KSR2: variants seen among roughly 807,000 people sequenced by gnomAD.
KSR2 encodes the protein kinase suppressor of ras 2.
KSR2 carries 25 observed loss-of-function variants against 107.8 expected under a neutral mutation model. The observed-to-expected ratio is 0.23, with a 90% CI of 0.17 to 0.32. The LOEUF (loss-of-function observed/expected upper bound fraction) is 0.32, where lower values mean the gene tolerates loss of function less well. Ranked by LOEUF, KSR2 falls within the 10% of genes least tolerant of loss-of-function variation. KSR2 has a pLI of 1.00. For missense variants in KSR2, 887 were observed against 1,268.9 expected, an observed-to-expected ratio of 0.70 and a Z score of 4.57; for synonymous variants, 480 against 507.0, an observed-to-expected ratio of 0.95 and a Z score of 0.71.
chr12:117,468,351 A>T (rs1178426936), intron 19 of KSR2, among the ~76,000 whole-genome samples: 2 of 152,248 alleles, frequency 1.3e-5, no homozygotes, highest in Non-Finnish European at 2.9e-5. Flanking sequence ...AGAGAGGCCA[A>T]GTGATGTGCC....
intron 3 of KSR2, among the ~76,000 whole-genome samples, chr12:117,766,025 A>G (rs1462982543): frequency 6.6e-6 from 1 of 152,208 alleles, no homozygotes; most frequent in East Asian, 1.9e-4. Flanking sequence ...TCAATAATCA[A>G]AAAACTCTCA....
intron 14 of KSR2, among the ~76,000 whole-genome samples, chr12:117,521,755 G>A (rs1874772059): frequency 6.6e-6 from 1 of 152,140 alleles, no homozygotes; most frequent in Admixed American, 6.6e-5. Context: ...TAAATCTAGG[G>A]TCCAAAAATG....
chr12:117,831,777 A>C (rs1237511499), intron 3 of KSR2, among the ~76,000 whole-genome samples: 1 of 152,222 alleles, frequency 6.6e-6, no homozygotes, highest in African/African-American at 2.4e-5. Flanking sequence ...AGGTGAATTC[A>C]CTTGCCAAAG....
chr12:117,941,613 C>CTTTTTTTTTT (rs139487553), intron 1 of KSR2, among the ~76,000 whole-genome samples: 1 of 52,962 alleles, frequency 1.9e-5, no homozygotes, highest in Non-Finnish European at 3.2e-5. Flanking sequence ...ACAGGCTTTC[C>CTTTTTTTTTT]TTTTTTTTTT....
intron 18 of KSR2, among the ~76,000 whole-genome samples, chr12:117,470,345 C>T (rs1871373184): frequency 1.3e-5 from 2 of 151,942 alleles, no homozygotes; most frequent in Admixed American, 1.3e-4. Context: ...TATACATCCA[C>T]CCATCTATGT....
At chr12:117,918,410 G>A (rs539623867) in intron 1 of KSR2, among the ~76,000 whole-genome samples, 5 of 152,212 alleles carry the variant, frequency 3.3e-5, no homozygotes, top group Admixed American at 6.5e-5. Context: ...AACAAGTTTC[G>A]AACTTCCTTG....
At chr12:117,652,957 T>G (rs1424394046) in intron 5 of KSR2, among the ~76,000 whole-genome samples, 1 of 152,180 alleles carries the variant, frequency 6.6e-6, no homozygotes, top group Non-Finnish European at 1.5e-5. Context: ...GCTCCCTGAC[T>G]GGTAGGATGA....
At chr12:117,801,409 G>T (rs775005197) in intron 3 of KSR2, among the ~76,000 whole-genome samples, 2 of 151,966 alleles carry the variant, frequency 1.3e-5, no homozygotes, top group African/African-American at 4.8e-5. Context: ...GATTACTGGC[G>T]TGAGCCACCA....
At chr12:117,678,171 G>C (rs1299039466) in intron 4 of KSR2, among the ~76,000 whole-genome samples, 2 of 139,884 alleles carry the variant, frequency 1.4e-5, no homozygotes. Flanking sequence ...GGCTGGTCTT[G>C]AACTCCTGTC....
chr12:117,834,958 C>T (rs777297169), intron 3 of KSR2, among the ~76,000 whole-genome samples: 8 of 152,274 alleles, frequency 5.3e-5, no homozygotes, highest in Non-Finnish European at 7.4e-5. Context: ...GCGGGTAAAC[C>T]AGAGAGCCGT....
intron 5 of KSR2, among the ~76,000 whole-genome samples, chr12:117,651,667 C>A (rs1324414206): frequency 6.6e-6 from 1 of 152,198 alleles, no homozygotes; most frequent in Non-Finnish European, 1.5e-5. Context: ...AATGCCTGAT[C>A]TCCCTTGGTT....
intron 5 of KSR2, among the ~76,000 whole-genome samples, chr12:117,630,556 G>A (rs558697988): frequency 6.6e-5 from 10 of 152,232 alleles, no homozygotes; most frequent in South Asian, 4.2e-4. Context: ...CTACCTGATC[G>A]GATTTGCCTT....
intron 14 of KSR2, among the ~76,000 whole-genome samples, chr12:117,512,702 A>C (rs1263626559): frequency 6.8e-6 from 1 of 146,814 alleles, no homozygotes; most frequent in Non-Finnish European, 1.5e-5. Flanking sequence ...GAGATATCTA[A>C]ATGTCTACTT....
At chr12:117,834,210 C>T (rs1892103422) in intron 3 of KSR2, among the ~76,000 whole-genome samples, 1 of 151,806 alleles carries the variant, frequency 6.6e-6, no homozygotes, top group Non-Finnish European at 1.5e-5. Flanking sequence ...GAATAAAGAC[C>T]ATGATCCGAA....
chr12:117,489,952 T>A (rs1872660985), intron 14 of KSR2, among the ~76,000 whole-genome samples: 1 of 152,218 alleles, frequency 6.6e-6, no homozygotes. Context: ...CAGTGTGGGA[T>A]GTGGGGAAAG....
At chr12:117,487,104 T>C (rs1024937889) in intron 14 of KSR2, among the ~76,000 whole-genome samples, 1 of 152,206 alleles carries the variant, frequency 6.6e-6, no homozygotes, top group Non-Finnish European at 1.5e-5. Context: ...CATGTAAAGG[T>C]GTAGGCACCT....
At chr12:117,614,103 T>C (rs1881748386) in intron 5 of KSR2, among the ~76,000 whole-genome samples, 1 of 152,204 alleles carries the variant, frequency 6.6e-6, no homozygotes, top group Non-Finnish European at 1.5e-5. Context: ...CATATACATA[T>C]ATGTACTGAT....
At chr12:117,501,787 C>T (rs1464720185) in intron 14 of KSR2, among the ~76,000 whole-genome samples, 2 of 152,200 alleles carry the variant, frequency 1.3e-5, no homozygotes, top group African/African-American at 2.4e-5. Context: ...CAGGGAGGGG[C>T]GTGCCCCAGC....
At chr12:117,681,340 TAGTG>T (rs1368501417) in intron 4 of KSR2, among the ~76,000 whole-genome samples, 2 of 151,998 alleles carry the variant, frequency 1.3e-5, no homozygotes, top group Non-Finnish European at 2.9e-5. Flanking sequence ...AGTGATATGG[TAGTG>T]AGTAACTGGG....
Sources: gnomAD v4.1 joint callset for allele counts (sites outside exome capture counted in the v4.1 genomes callset) on GRCh38, gnomAD v4.1.1 for gene constraint, MANE v1.5 for transcripts, NCBI Gene and HGNC (gene_info 2026-07-23, HGNC 2026-07-21) for gene names.